Variants in C16orf46 observed in about 807,000 individuals in gnomAD.
C16orf46 encodes the protein chromosome 16 open reading frame 46.
Under a neutral mutation model 5.5 loss-of-function variants are expected in C16orf46, and 7 were observed. That is an observed-to-expected ratio of 1.28 (90% CI 0.73 to 2.40). C16orf46 has a LOEUF of 2.40. Among genes scored for constraint, C16orf46 ranks in the 30% most tolerant of loss-of-function variants. The probability of loss-of-function intolerance (pLI) is 0.00; values close to 1 mark genes in which losing one functional copy is unlikely to be tolerated. For missense variants in C16orf46, 614 were observed against 476.0 expected (o/e 1.29, Z -2.70); for synonymous variants, 200 against 184.1 (o/e 1.09, Z -0.70).
intron 1 of C16orf46, among the ~76,000 whole-genome samples, chr16:81,075,221 C>T (rs1971991592): frequency 6.6e-6 from 1 of 151,766 alleles, no homozygotes; most frequent in South Asian, 2.1e-4. Flanking sequence ...GAGGAACCTA[C>T]CAAGAGTTAT....
intron 3 of C16orf46, among the ~76,000 whole-genome samples, chr16:81,054,820 C>T (rs925354781): frequency 6.6e-6 from 1 of 150,474 alleles, no homozygotes; most frequent in African/African-American, 2.4e-5. Context: ...CCTAATTTTT[C>T]TATTTTTAGT....
At chr16:81,075,148 CTA>C (rs1174497385) in intron 1 of C16orf46, among the ~76,000 whole-genome samples, 1 of 152,154 alleles carries the variant, frequency 6.6e-6, no homozygotes, top group African/African-American at 2.4e-5. Flanking sequence ...ATGACCTGGC[CTA>C]TGTTTCTAAA....
At chr16:81,055,421 TGG>T (rs1365727582) in intron 3 of C16orf46, 2 of 151,958 alleles carry the variant, frequency 1.3e-5, no homozygotes, top group East Asian at 3.9e-4. Flanking sequence ...TAGTTGGGCA[TGG>T]GGGCTCATGC....
chr16:81,063,367 G>T (rs1194835882), intron 3 of C16orf46, among the ~76,000 whole-genome samples: 2 of 152,010 alleles, frequency 1.3e-5, no homozygotes, highest in Non-Finnish European at 2.9e-5. Context: ...GAGTCCAGGA[G>T]ACCTGGATTC....
At chr16:81,074,417 G>A (rs1042680720) in intron 1 of C16orf46, among the ~76,000 whole-genome samples, 5 of 151,306 alleles carry the variant, frequency 3.3e-5, no homozygotes, top group Non-Finnish European at 5.9e-5. Context: ...ACAGAGTCTC[G>A]CTCTGTTGCC....
In C16orf46 at chr16:81,053,967, C is replaced by A. The variant is rs902948056; in HGVS notation, c.*104G>T. Reference sequence around the variant, plus strand: ...CTTGCAGCGTTTGACTCTCTGCTTTCTGGTGATCCGCCGCTTTTCCATGTC... The same window carrying A: ...CTTGCAGCGTTTGACTCTCTGCTTTATGGTGATCCGCCGCTTTTCCATGTC... On this transcript the variant is annotated 3_prime_UTR_variant, in exon 4 of 4. Transcript: ENST00000378611. 19 of 1,246,284 alleles carry A rather than the reference C, an allele frequency of 1.5e-5. No homozygotes were observed. In the South Asian group the frequency reaches 1.7e-4, roughly 11 times the overall value. The allele number at this position is 1,246,284 out of a possible 1,614,324, so 77.2% of individuals were successfully genotyped here. A position where few individuals can be genotyped will look rare whatever the true frequency, so the allele number is the denominator to read the frequency against.
chr16:81,065,817 ATTTTG>A (rs67787866), intron 2 of C16orf46, among the ~76,000 whole-genome samples: 116,017 of 149,632 alleles, frequency 0.78, 47,153 homozygotes, highest in Non-Finnish European at 0.91. Context: ...TAGTTTTTTT[ATTTTG>A]TTTTGTTTTG....
rs780125351 is a variant in C16orf46 at position 81,061,904 on chromosome 16, C to T, written c.445G>A (p.Asp149Asn). ...CGAAAGTAGGTGGGAAAGCAGATGT[C>T]GCTAATTGCCCTGGAAGCAGTGCTG... ...GPSTASRAIS[D>N]ICFPTYFRAE... Residue 149 changes from aspartate (D) to asparagine (N), a missense_variant, in exon 4 of 4, where the codon GAC becomes AAC. Physicochemically the swap from Asp to Asn is conservative, Grantham distance 23. Transcript: ENST00000299578. The T allele has an allele frequency of 1.5e-5, 25 of 1,614,056 alleles. No individual in the cohort carries two copies. Among genetic ancestry groups the T allele is most frequent in the African/African-American group, 2.7e-5 (2 of 74,912 alleles).
intron 1 of C16orf46, among the ~76,000 whole-genome samples, chr16:81,074,576 G>C (rs941861967): frequency 6.6e-6 from 1 of 151,944 alleles, no homozygotes; most frequent in Non-Finnish European, 1.5e-5. Context: ...GTAGAGACAG[G>C]GTTTCACCAT....
chr16:81,061,922 C>A lies in C16orf46; in HGVS notation c.427G>T (p.Ala143Ser), dbSNP rs781594740. 5 of 1,614,196 alleles carry A rather than the reference C, an allele frequency of 3.1e-6. No individual in the cohort carries two copies. Among genetic ancestry groups the A allele is most frequent in the Non-Finnish European group, 1.7e-6 (2 of 1,180,036 alleles). ...CAGATGTCGCTAATTGCCCTGGAAGCAGTGCTGGGGCCCTGGGGGGCTGCC... is the reference window on the plus strand; with the variant it reads ...CAGATGTCGCTAATTGCCCTGGAAGAAGTGCTGGGGCCCTGGGGGGCTGCC... ...TQAAPQGPST[A>S]SRAISDICFP... Residue 143 changes from alanine to serine, a missense_variant, in exon 4 of 4, where the codon GCT becomes TCT. By Grantham distance (99) the Ala-to-Ser change is moderately conservative (BLOSUM62 1). Transcript: ENST00000299578.
chr16:81,057,775 T>A (rs1299796670), downstream of C16orf46: 1 of 152,824 alleles, frequency 6.5e-6, no homozygotes, highest in African/African-American at 2.4e-5. Flanking sequence ...CTCACGCCTC[T>A]AAGCGCAGCA....
At chr16:81,075,661 T>A (rs570628605) in intron 1 of C16orf46, among the ~76,000 whole-genome samples, 3 of 152,290 alleles carry the variant, frequency 2.0e-5, no homozygotes, top group Admixed American at 6.5e-5. Context: ...TTGAGAAGGA[T>A]CTTATGACCT....
chr16:81,057,174 G>A (rs558136858), downstream of C16orf46, among the ~76,000 whole-genome samples: 1 of 152,306 alleles, frequency 6.6e-6, no homozygotes, highest in Non-Finnish European at 1.5e-5. Flanking sequence ...TAGGCCAGGT[G>A]ATGGGGTGGC....
chr16:81,061,255 TG>T lies in C16orf46; in HGVS notation c.1093del (p.Gln365LysfsTer18). The T allele has an allele frequency of 6.2e-7, 1 of 1,614,086 alleles. No homozygotes were observed. Among genetic ancestry groups the T allele is most frequent in the Non-Finnish European group, 8.5e-7 (1 of 1,180,002 alleles). ...TGGGAAAACTTTGGTCTCCAGCATTTGGGGCCTGTTTTCCTGCTTGGCCTTT... is the reference window on the plus strand; with the variant it reads ...TGGGAAAACTTTGGTCTCCAGCATTTGGGCCTGTTTTCCTGCTTGGCCTTT... ...LPKAKQENRP[Q>X]MLETKVFPRP... On this transcript the variant is annotated frameshift_variant, in exon 4 of 4. Transcript: ENST00000299578. LOFTEE classifies it high-confidence loss of function.
chr16:81,069,080 TA>T (rs890169603), intron 1 of C16orf46, among the ~76,000 whole-genome samples: 4 of 152,134 alleles, frequency 2.6e-5, no homozygotes, highest in Non-Finnish European at 4.4e-5. Flanking sequence ...AATGGACTTA[TA>T]AAAAAATAGA....
intron 1 of C16orf46, chr16:81,070,052 GAGGC>G (rs1399671295): frequency 9.2e-5 from 14 of 152,244 alleles, no homozygotes; most frequent in African/African-American, 3.4e-4. Context: ...TTGAACCCAA[GAGGC>G]GGAGCTTGCA....
intron 2 of C16orf46, among the ~76,000 whole-genome samples, chr16:81,064,299 G>A (rs994206905): frequency 6.6e-6 from 1 of 151,476 alleles, no homozygotes; most frequent in Non-Finnish European, 1.5e-5. Context: ...AGGAAGCAGA[G>A]GTTTCAGTGA....
exon 4 of C16orf46, chr16:81,053,761 A>T (rs1401479865): frequency 3.7e-6 from 1 of 270,816 alleles, no homozygotes; most frequent in Non-Finnish European, 6.9e-6. Flanking sequence ...AATGAAAATA[A>T]ATTGTTTTGA....
At chr16:81,064,555 C>T (rs1025935689) in intron 2 of C16orf46, among the ~76,000 whole-genome samples, 1 of 151,914 alleles carries the variant, frequency 6.6e-6, no homozygotes, top group African/African-American at 2.4e-5. Flanking sequence ...CGAGGACAGC[C>T]TGGCCAACAT....
Sources: gnomAD v4.1 joint callset for allele counts (sites outside exome capture counted in the v4.1 genomes callset) on GRCh38, gnomAD v4.1.1 for gene constraint, MANE v1.5 for transcripts, NCBI Gene and HGNC (gene_info 2026-07-23, HGNC 2026-07-21) for gene names.